The following DRD3 variants were observed in gnomAD, a reference collection of about 807,000 sequenced individuals.
DRD3 encodes the protein dopamine receptor D3.
A neutral mutation model predicts 36.3 loss-of-function variants in DRD3; 19 were observed. That is an observed-to-expected ratio of 0.52 (90% CI 0.36 to 0.77). The LOEUF (loss-of-function observed/expected upper bound fraction) is 0.77, where lower values mean the gene tolerates loss of function less well. DRD3 is among the 30% of genes least tolerant of loss of function. The pLI is 0.00. For synonymous variants in DRD3, 195 were observed against 203.7 expected (o/e 0.96, Z 0.36); for missense variants, 465 against 505.3 (o/e 0.92, Z 0.77).
At chr3:114,136,022 T>C (rs2077471942) in intron 5 of DRD3, among the ~76,000 whole-genome samples, 1 of 152,146 alleles carries the variant, frequency 6.6e-6, no homozygotes. Context: ...AACTGGCACC[T>C]ACTGATCTTC....
Position 114,139,695 on chromosome 3 carries a change from C to G in DRD3, c.528G>C (p.Gly176=). Residue 176 remains glycine (G), a splice_region_variant and synonymous_variant, in exon 5 of 7, where the codon GGG becomes GGC. Transcript: ENST00000383673. Reference sequence around the variant, plus strand: ...TGGAGATGGAGCAGACAGTGGGGTCCCCTGTGGATGAGAAGGGGGAAGGTA... The same window carrying G: ...TGGAGATGGAGCAGACAGTGGGGTCGCCTGTGGATGAGAAGGGGGAAGGTA... ...CPLLFGFNTT[G]DPTVCSISNP... 6.2e-7 allele frequency: 1 copy of G among 1,613,266 alleles called. No individual in the cohort carries two copies. Among genetic ancestry groups the G allele is most frequent in the Non-Finnish European group, 8.5e-7 (1 of 1,179,602 alleles).
At chr3:114,149,198 C>G (rs2077594904) in intron 3 of DRD3, among the ~76,000 whole-genome samples, 1 of 151,926 alleles carries the variant, frequency 6.6e-6, no homozygotes. Context: ...ATGAAGAGTA[C>G]CATGAAAGAA....
intron 3 of DRD3, 67 bp from the exon 4 acceptor site, chr3:114,147,624 GT>G: frequency 6.4e-7 from 1 of 1,554,718 alleles, no homozygotes; most frequent in Non-Finnish European, 8.8e-7. Context: ...TTTCTGCGTT[GT>G]TGTTGTTGTT....
chr3:114,188,094 A>G (rs1229347663), intron 1 of DRD3, among the ~76,000 whole-genome samples: 1 of 152,170 alleles, frequency 6.6e-6, no homozygotes, highest in Non-Finnish European at 1.5e-5. Context: ...TTGGCAAATA[A>G]CAGAAAACCC....
At position 114,160,453 on chromosome 3, in the gene DRD3, G is replaced by A. The variant is rs764940255; in HGVS notation, c.271-586C>T. 7.2e-5 allele frequency among the ~76,000 whole-genome samples: 11 copies of A among 152,192 alleles called. No homozygotes were observed. The Middle Eastern group carries it at 0.01, about 141-fold the overall frequency. ...AATAAACACTCCTATACATACCAAGGTTTGAGAATCACTGTTGAAATTCAA... is the reference window on the plus strand; with the variant it reads ...AATAAACACTCCTATACATACCAAGATTTGAGAATCACTGTTGAAATTCAA... On this transcript the variant is annotated intron_variant, in intron 2 of 6. Coordinates refer to ENST00000383673, the MANE Select transcript of DRD3 (RefSeq NM_000796.6).
chr3:114,130,549 T>C (rs953483832), intron 6 of DRD3, among the ~76,000 whole-genome samples: 1 of 151,680 alleles, frequency 6.6e-6, no homozygotes, highest in African/African-American at 2.4e-5. Flanking sequence ...CTCAGCCTCC[T>C]GAGTAGCTGG....
intron 1 of DRD3, among the ~76,000 whole-genome samples, chr3:114,193,451 C>T (rs938498332): frequency 6.6e-6 from 1 of 152,184 alleles, no homozygotes; most frequent in Admixed American, 6.5e-5. Flanking sequence ...TCAGAGACAG[C>T]GTCTGACCTG....
At chr3:114,174,591 T>G (rs1171283375) in intron 1 of DRD3, among the ~76,000 whole-genome samples, 1 of 152,222 alleles carries the variant, frequency 6.6e-6, no homozygotes, top group Non-Finnish European at 1.5e-5. Context: ...TTTCCACATC[T>G]GATCTTAGAT....
In DRD3 at chr3:114,136,363, G is replaced by C. The variant is rs574213636; in HGVS notation, c.723+3137C>G. ...ATTGGTGAGTGTATTTTTCAGCTCT[G>C]TCTGCAAAACCTGATCACTACTTCC... On this transcript the variant is annotated intron_variant, in intron 5 of 6. Coordinates refer to ENST00000383673, the MANE Select transcript of DRD3 (RefSeq NM_000796.6). Among the ~76,000 whole-genome samples, 17 of 152,200 alleles carry C rather than the reference G, an allele frequency of 1.1e-4. 1 individual carries two copies. In the South Asian group the frequency reaches 3.5e-3, roughly 32 times the overall value.
chr3:114,170,345 T>G (rs1362657070), intron 2 of DRD3, among the ~76,000 whole-genome samples: 2 of 152,180 alleles, frequency 1.3e-5, no homozygotes, highest in Non-Finnish European at 2.9e-5. Context: ...GCAGTTAGCA[T>G]GTATTTTGTG....
At chr3:114,178,116 A>C (rs2077918642) in intron 1 of DRD3, among the ~76,000 whole-genome samples, 1 of 152,178 alleles carries the variant, frequency 6.6e-6, no homozygotes, top group Non-Finnish European at 1.5e-5. Flanking sequence ...TACCCTAAAA[A>C]TCATATACCA....
upstream of DRD3, among the ~76,000 whole-genome samples, chr3:114,181,912 C>T (rs993250172): frequency 4.6e-5 from 7 of 152,184 alleles, no homozygotes; most frequent in African/African-American, 1.7e-4. Context: ...TTCCCACTCA[C>T]TAGGACAGTA....
chr3:114,154,097 G>A (rs1224052626), intron 3 of DRD3, among the ~76,000 whole-genome samples: 3 of 152,110 alleles, frequency 2.0e-5, no homozygotes, highest in East Asian at 3.9e-4. Flanking sequence ...TCCATTTCTA[G>A]TCCCACACCT....
chr3:114,185,516 T>G (rs1354303640), intron 1 of DRD3, among the ~76,000 whole-genome samples: 1 of 152,196 alleles, frequency 6.6e-6, no homozygotes, highest in East Asian at 1.9e-4. Context: ...TTTCTTGACT[T>G]TTCCCACATC....
intron 2 of DRD3, among the ~76,000 whole-genome samples, chr3:114,168,912 C>T (rs1577616047): frequency 1.3e-5 from 2 of 152,146 alleles, no homozygotes; most frequent in Admixed American, 6.5e-5. Flanking sequence ...AATCAAAGCA[C>T]ATGCGGCTAT....
intron 1 of DRD3, among the ~76,000 whole-genome samples, chr3:114,177,270 C>A (rs1416995234): frequency 6.6e-6 from 1 of 152,132 alleles, no homozygotes; most frequent in African/African-American, 2.4e-5. Context: ...TTGCAAATTG[C>A]TGCCTATTTT....
intron 3 of DRD3, among the ~76,000 whole-genome samples, chr3:114,158,468 A>G (rs1389574641): frequency 1.3e-5 from 2 of 152,152 alleles, no homozygotes; most frequent in Non-Finnish European, 2.9e-5. Context: ...CATTTTCAGG[A>G]GTGCATTATT....
At chr3:114,139,329 G>C (rs1020242805) in intron 5 of DRD3, among the ~76,000 whole-genome samples, 171 bp downstream of exon 5, 2 of 152,222 alleles carry the variant, frequency 1.3e-5, no homozygotes, top group Non-Finnish European at 2.9e-5. Context: ...ATGTTTTCTT[G>C]AGATTGGATT....
Position 114,145,309 on chromosome 3 carries a change from T to C in DRD3, c.526+2106A>G, listed in dbSNP as rs745940176. 1.6e-4 allele frequency among the ~76,000 whole-genome samples: 25 copies of C among 152,208 alleles called. 1 individual carries two copies. The highest frequency in any genetic ancestry group is 1.5e-5 in the Non-Finnish European group (1 of 68,034). ...CACATTTAGCATTCACGAAAAATGA[T>C]ATTTTAGTGCCACAGAGTCAGCCTC... On this transcript the variant is annotated intron_variant, in intron 4 of 6. Coordinates refer to ENST00000383673, the MANE Select transcript of DRD3 (RefSeq NM_000796.6).
Sources: gnomAD v4.1 joint callset for allele counts (sites outside exome capture counted in the v4.1 genomes callset) on GRCh38, gnomAD v4.1.1 for gene constraint, MANE v1.5 for transcripts, NCBI Gene and HGNC (gene_info 2026-07-23, HGNC 2026-07-21) for gene names.